MSRA: variants seen among roughly 807,000 people sequenced by gnomAD.
The protein encoded by MSRA is methionine sulfoxide reductase A.
Under a neutral mutation model 31.3 loss-of-function variants are expected in MSRA, and 54 were observed. The ratio of observed to expected loss-of-function variants is 1.73; its 90% CI spans 1.39 to 2.17. MSRA has a LOEUF of 2.17. Among genes scored for constraint, MSRA ranks in the 30% most tolerant of loss-of-function variants. The probability of loss-of-function intolerance (pLI) is 0.00; values close to 1 mark genes in which losing one functional copy is unlikely to be tolerated. For missense variants in MSRA, 507 were observed against 300.9 expected, an observed-to-expected ratio of 1.69 and a Z score of -5.07; for synonymous variants, 169 against 116.5, an observed-to-expected ratio of 1.45 and a Z score of -2.90.
chr8:10,241,353 C>G (rs1475921951), intron 2 of MSRA, among the ~76,000 whole-genome samples: 1 of 152,146 alleles, frequency 6.6e-6, no homozygotes, highest in Non-Finnish European at 1.5e-5. Context: ...TGAAGAGGGT[C>G]TCACTGGCCA....
intron 1 of MSRA, among the ~76,000 whole-genome samples, chr8:10,192,875 T>C (rs1807633229): frequency 1.3e-5 from 2 of 152,076 alleles, no homozygotes; most frequent in African/African-American, 4.8e-5. Flanking sequence ...TCATGGAAAA[T>C]GGTTTCTAAA....
intron 5 of MSRA, among the ~76,000 whole-genome samples, chr8:10,392,061 T>C (rs1021581401): frequency 6.6e-6 from 1 of 152,178 alleles, no homozygotes; most frequent in African/African-American, 2.4e-5. Context: ...GAAGGTTTGG[T>C]GGACCTCAGC....
chr8:10,203,248 A>T (rs1426135101), intron 1 of MSRA, among the ~76,000 whole-genome samples: 3 of 152,086 alleles, frequency 2.0e-5, no homozygotes, highest in East Asian at 1.9e-4. Flanking sequence ...CTCAGTTGAG[A>T]CTAGGTAAAT....
chr8:10,395,694 A>G (rs993515193), intron 5 of MSRA, among the ~76,000 whole-genome samples: 3 of 152,164 alleles, frequency 2.0e-5, no homozygotes, highest in African/African-American at 4.8e-5. Flanking sequence ...CTGCACATCC[A>G]TTGACCCTGG....
chr8:10,151,392 C>A (rs1352511834), intron 1 of MSRA, among the ~76,000 whole-genome samples: 1 of 152,118 alleles, frequency 6.6e-6, no homozygotes, highest in Non-Finnish European at 1.5e-5. Context: ...GCCTGTCATC[C>A]CAGCATTTTG....
chr8:10,156,979 T>A (rs567158123), intron 1 of MSRA, among the ~76,000 whole-genome samples: 1 of 151,910 alleles, frequency 6.6e-6, no homozygotes, highest in Admixed American at 6.6e-5. Flanking sequence ...TGCTTTTATT[T>A]AAGTCTTCTC....
chr8:10,121,938 C>T (rs1585196713), intron 1 of MSRA, among the ~76,000 whole-genome samples: 1 of 151,774 alleles, frequency 6.6e-6, no homozygotes, highest in Non-Finnish European at 1.5e-5. Context: ...TCCTTGGGCT[C>T]CCAAAGTACT....
At chr8:10,073,492 T>A (rs563700940) in intron 1 of MSRA, among the ~76,000 whole-genome samples, 1 of 152,360 alleles carries the variant, frequency 6.6e-6, no homozygotes, top group African/African-American at 2.4e-5. Flanking sequence ...TCTGGAATTT[T>A]ACAGAAAAGG....
Position 10,149,242 on chromosome 8 carries a change from C to G in MSRA, c.143-58591C>G, listed in dbSNP as rs186095868. Reference sequence around the variant, plus strand: ...GTTCAAGCAATTCTCCTGCCTCAGCCTCCCAAGTATCTGGGATTACAGGTG... The same window carrying G: ...GTTCAAGCAATTCTCCTGCCTCAGCGTCCCAAGTATCTGGGATTACAGGTG... On this transcript the variant is annotated intron_variant, in intron 1 of 5. Transcript: ENST00000317173. Among the ~76,000 whole-genome samples the G allele has an allele frequency of 6.1e-3, 923 of 152,244 alleles. 15 individuals are homozygous for G. Among genetic ancestry groups the G allele is most frequent in the African/African-American group, 0.021 (870 of 41,540 alleles).
intron 1 of MSRA, among the ~76,000 whole-genome samples, chr8:10,055,719 A>G (rs1245398090): frequency 6.6e-6 from 1 of 152,238 alleles, no homozygotes; most frequent in African/African-American, 2.4e-5. Flanking sequence ...TTTCCTTAGA[A>G]GTTTCTTTTT....
intron 3 of MSRA, among the ~76,000 whole-genome samples, chr8:10,256,556 C>A (rs117280134): frequency 1.6e-3 from 244 of 152,314 alleles, no homozygotes; most frequent in African/African-American, 5.5e-3. Flanking sequence ...TATCAGGCAA[C>A]TGGGGGCTTC....
chr8:10,086,874 G>C (rs574835560), intron 1 of MSRA, among the ~76,000 whole-genome samples: 1 of 151,326 alleles, frequency 6.6e-6, no homozygotes, highest in East Asian at 2.0e-4. Context: ...GAGGGAGGGA[G>C]AGGGAGAGAG....
intron 5 of MSRA, among the ~76,000 whole-genome samples, chr8:10,357,463 G>T (rs2129162778): frequency 6.6e-6 from 1 of 152,266 alleles, no homozygotes; most frequent in South Asian, 2.1e-4. Context: ...ACACACATTT[G>T]ATGGGTTTCA....
intron 5 of MSRA, among the ~76,000 whole-genome samples, chr8:10,380,878 G>T (rs1293533120): frequency 4.6e-5 from 7 of 151,718 alleles, no homozygotes; most frequent in African/African-American, 1.7e-4. Flanking sequence ...TGGATGGGTG[G>T]GTGGGTAGAT....
intron 5 of MSRA, among the ~76,000 whole-genome samples, chr8:10,340,982 A>G (rs1803392404): frequency 6.6e-6 from 1 of 152,216 alleles, no homozygotes; most frequent in Non-Finnish European, 1.5e-5. Flanking sequence ...AGCCTCCAAC[A>G]TGAAGTAAGA....
At chr8:10,409,755 C>T (rs2129187995) in intron 5 of MSRA, among the ~76,000 whole-genome samples, 1 of 152,368 alleles carries the variant, frequency 6.6e-6, no homozygotes, top group African/African-American at 2.4e-5. Flanking sequence ...ATTTAATAGA[C>T]TCAATCAAGA....
At chr8:10,165,845 C>G (rs1424290633) in intron 1 of MSRA, among the ~76,000 whole-genome samples, 1 of 152,096 alleles carries the variant, frequency 6.6e-6, no homozygotes, top group African/African-American at 2.4e-5. Context: ...ACACCATTCT[C>G]AGTTTTAAAA....
At chr8:10,076,919 G>C (rs990069470) in intron 1 of MSRA, among the ~76,000 whole-genome samples, 3 of 149,976 alleles carry the variant, frequency 2.0e-5, no homozygotes, top group African/African-American at 7.4e-5. Context: ...GAGAACATTA[G>C]AAAAAAAAAG....
chr8:10,116,154 A>G (rs376894485), intron 1 of MSRA, among the ~76,000 whole-genome samples: 7 of 152,228 alleles, frequency 4.6e-5, no homozygotes, highest in African/African-American at 1.7e-4. Context: ...CTAAAACTCA[A>G]GTTAGATTAT....
Sources: allele counts gnomAD v4.1 joint callset (sites outside exome capture counted in the v4.1 genomes callset), GRCh38; gene constraint gnomAD v4.1.1; transcripts MANE v1.5; gene names NCBI Gene and HGNC (gene_info 2026-07-23, HGNC 2026-07-21).